HS6ST3: variants seen among roughly 807,000 people sequenced by gnomAD.
HS6ST3 encodes the protein heparan-sulfate 6-O-sulfotransferase 3.
A neutral mutation model predicts 36.7 loss-of-function variants in HS6ST3; 12 were observed. The observed-to-expected ratio is 0.33, with a 90% CI of 0.21 to 0.53. The LOEUF is 0.53. Ranked by LOEUF, HS6ST3 falls within the 20% of genes least tolerant of loss-of-function variation. The pLI is 0.95. For synonymous variants in HS6ST3, 240 were observed against 257.5 expected, an observed-to-expected ratio of 0.93 and a Z score of 0.65; for missense variants, 584 against 640.9, an observed-to-expected ratio of 0.91 and a Z score of 0.96.
Position 96,656,584 on chromosome 13 carries a change from T to C in HS6ST3, c.708-175906T>C, listed in dbSNP as rs72643879. Among the ~76,000 whole-genome samples the C allele has an allele frequency of 4.1e-3, 617 of 152,214 alleles. 6 individuals carry two copies. Among genetic ancestry groups the C allele is most frequent in the Admixed American group, 7.2e-3 (110 of 15,274 alleles). On this transcript the variant is annotated intron_variant, in intron 1 of 1. Transcript: ENST00000376705. ...ACAAAATATGTTGATGTGGAAGAAATGTGTTTAGGGCCAAGGCTTTGGGCT... is the reference window on the plus strand; with the variant it reads ...ACAAAATATGTTGATGTGGAAGAAACGTGTTTAGGGCCAAGGCTTTGGGCT...
intron 1 of HS6ST3, among the ~76,000 whole-genome samples, chr13:96,803,187 G>A (rs1878122284): frequency 6.6e-6 from 1 of 152,162 alleles, no homozygotes; most frequent in African/African-American, 2.4e-5. Flanking sequence ...GTTTGTTGAT[G>A]CCAGTGTTGC....
chr13:96,282,485 A>G (rs1340907646), intron 1 of HS6ST3, among the ~76,000 whole-genome samples: 3 of 152,184 alleles, frequency 2.0e-5, no homozygotes, highest in Admixed American at 6.5e-5. Flanking sequence ...TCAGTAACCA[A>G]TGAGGAACGT....
chr13:96,143,107 T>A (rs1282925724), intron 1 of HS6ST3, among the ~76,000 whole-genome samples: 1 of 152,118 alleles, frequency 6.6e-6, no homozygotes, highest in Non-Finnish European at 1.5e-5. Context: ...AATCAGCAAG[T>A]GTTTTTCACT....
intron 1 of HS6ST3, among the ~76,000 whole-genome samples, chr13:96,185,795 C>A (rs1029373768): frequency 6.6e-6 from 1 of 152,132 alleles, no homozygotes; most frequent in Non-Finnish European, 1.5e-5. Context: ...AATACTTCAA[C>A]GTTCGGAATT....
intron 1 of HS6ST3, among the ~76,000 whole-genome samples, chr13:96,770,999 C>T (rs1158904203): frequency 2.0e-5 from 3 of 152,090 alleles, no homozygotes; most frequent in Admixed American, 1.3e-4. Flanking sequence ...TCCAGTCTAT[C>T]ATTGTTGGAC....
At chr13:96,139,481 C>G (rs1025667484) in intron 1 of HS6ST3, among the ~76,000 whole-genome samples, 2 of 128,924 alleles carry the variant, frequency 1.6e-5, no homozygotes, top group African/African-American at 5.9e-5. Flanking sequence ...TAAGGATGAG[C>G]TGATCTTCCC....
At chr13:96,533,552 G>C (rs1566389039) in intron 1 of HS6ST3, among the ~76,000 whole-genome samples, 1 of 152,164 alleles carries the variant, frequency 6.6e-6, no homozygotes, top group Non-Finnish European at 1.5e-5. Flanking sequence ...AGAACACGTG[G>C]CATCCATCAT....
intron 1 of HS6ST3, among the ~76,000 whole-genome samples, chr13:96,595,588 G>T (rs762655768): frequency 6.6e-6 from 1 of 151,832 alleles, no homozygotes; most frequent in African/African-American, 2.4e-5. Context: ...TCTAGGTTTG[G>T]AAAGTCTTCT....
chr13:96,734,372 G>A (rs1876232050), intron 1 of HS6ST3, among the ~76,000 whole-genome samples: 1 of 152,192 alleles, frequency 6.6e-6, no homozygotes, highest in South Asian at 2.1e-4. Flanking sequence ...GTGAGGTATG[G>A]TGAAACTATG....
At chr13:96,192,580 C>T (rs1398086738) in intron 1 of HS6ST3, among the ~76,000 whole-genome samples, 1 of 141,110 alleles carries the variant, frequency 7.1e-6, no homozygotes, top group African/African-American at 2.7e-5. Context: ...TTTTTTATGG[C>T]TGTGTATATT....
At chr13:96,710,625 T>C (rs1875539966) in intron 1 of HS6ST3, among the ~76,000 whole-genome samples, 2 of 152,246 alleles carry the variant, frequency 1.3e-5, no homozygotes, top group Non-Finnish European at 2.9e-5. Flanking sequence ...AGCAGGCTGA[T>C]TGCACTGTCT....
intron 1 of HS6ST3, among the ~76,000 whole-genome samples, chr13:96,559,329 G>C (rs1442337585): frequency 6.6e-6 from 1 of 152,088 alleles, no homozygotes; most frequent in African/African-American, 2.4e-5. Context: ...ATGTTGGCCA[G>C]GCTGGTGTTG....
intron 1 of HS6ST3, among the ~76,000 whole-genome samples, chr13:96,587,120 C>T (rs1192052315): frequency 6.6e-6 from 1 of 151,978 alleles, no homozygotes. Context: ...GGATTTATTC[C>T]TGGGTTCTCT....
chr13:96,794,014 A>G (rs1052825891), intron 1 of HS6ST3, among the ~76,000 whole-genome samples: 7 of 152,066 alleles, frequency 4.6e-5, no homozygotes, highest in Admixed American at 4.6e-4. Context: ...ATCACCCAGT[A>G]TGTTCTTATT....
intron 1 of HS6ST3, among the ~76,000 whole-genome samples, chr13:96,751,123 T>C (rs1054950056): frequency 1.3e-5 from 2 of 152,120 alleles, no homozygotes; most frequent in African/African-American, 4.8e-5. Flanking sequence ...ATAAAACATA[T>C]AGAGATATGC....
intron 1 of HS6ST3, among the ~76,000 whole-genome samples, chr13:96,804,766 C>G (rs973479101): frequency 3.9e-5 from 6 of 151,964 alleles, no homozygotes; most frequent in South Asian, 2.1e-4. Context: ...GACGGGACTG[C>G]GTAAAAATTC....
intron 1 of HS6ST3, among the ~76,000 whole-genome samples, chr13:96,829,972 G>A (rs1878739494): frequency 6.6e-6 from 1 of 151,890 alleles, no homozygotes; most frequent in South Asian, 2.1e-4. Flanking sequence ...GGCTTGGCTT[G>A]CTATTTTTAA....
intron 1 of HS6ST3, among the ~76,000 whole-genome samples, chr13:96,419,764 C>T (rs1305344836): frequency 6.6e-6 from 1 of 152,132 alleles, no homozygotes; most frequent in African/African-American, 2.4e-5. Flanking sequence ...GCTGTGGATG[C>T]ATCACTCCAG....
At chr13:96,353,105 G>A (rs1376591235) in intron 1 of HS6ST3, among the ~76,000 whole-genome samples, 1 of 143,504 alleles carries the variant, frequency 7.0e-6, no homozygotes, top group African/African-American at 2.6e-5. Context: ...CCAGGCTGGA[G>A]TGCATTGGTG....
Sources: gnomAD v4.1 joint callset for allele counts (sites outside exome capture counted in the v4.1 genomes callset) on GRCh38, gnomAD v4.1.1 for gene constraint, MANE v1.5 for transcripts, NCBI Gene and HGNC (gene_info 2026-07-23, HGNC 2026-07-21) for gene names.